The following GRM8 variants were observed in gnomAD, a reference collection of about 807,000 sequenced individuals.
GRM8 encodes glutamate metabotropic receptor 8.
In GRM8, 47 loss-of-function variants were observed where a neutral mutation model predicts 87.2. The observed-to-expected ratio is 0.54, with a 90% CI of 0.43 to 0.69. The LOEUF (loss-of-function observed/expected upper bound fraction) is 0.69, where lower values mean the gene tolerates loss of function less well. GRM8 is among the 30% of genes least tolerant of loss of function. GRM8 has a pLI of 0.00. For missense variants in GRM8, 1,019 were observed against 1,139.2 expected, an observed-to-expected ratio of 0.89 and a Z score of 1.52; for synonymous variants, 396 against 404.5, an observed-to-expected ratio of 0.98 and a Z score of 0.25.
chr7:126,882,950 T>C (rs1800154289), intron 6 of GRM8, among the ~76,000 whole-genome samples: 1 of 152,232 alleles, frequency 6.6e-6, no homozygotes, highest in South Asian at 2.1e-4. Context: ...GAAGGCTGTG[T>C]CTATAAGACA....
chr7:126,514,402 C>G (rs1222807703), intron 9 of GRM8, among the ~76,000 whole-genome samples: 1 of 152,144 alleles, frequency 6.6e-6, no homozygotes, highest in Non-Finnish European at 1.5e-5. Flanking sequence ...CAAAACCAAA[C>G]TTGCATTTAA....
chr7:126,967,714 A>T (rs1448475109), intron 3 of GRM8, among the ~76,000 whole-genome samples: 2 of 152,214 alleles, frequency 1.3e-5, no homozygotes, highest in African/African-American at 4.8e-5. Context: ...AGCCTTCATG[A>T]TTAGAAACTT....
At chr7:127,162,751 G>C (rs551090612) in intron 2 of GRM8, among the ~76,000 whole-genome samples, 1 of 152,234 alleles carries the variant, frequency 6.6e-6, no homozygotes, top group South Asian at 2.1e-4. Flanking sequence ...AACCTAATTG[G>C]AACACAGCAA....
At chr7:126,612,515 C>G (rs955760330) in intron 7 of GRM8, among the ~76,000 whole-genome samples, 1 of 152,148 alleles carries the variant, frequency 6.6e-6, no homozygotes, top group African/African-American at 2.4e-5. Flanking sequence ...GGTGCCCAAC[C>G]ACCTCTTTAT....
chr7:126,570,176 T>C lies in GRM8; in HGVS notation c.1495-36289A>G, dbSNP rs144900209. 5.8e-4 allele frequency among the ~76,000 whole-genome samples: 88 copies of C among 152,322 alleles called. No individual in the cohort carries two copies. In the East Asian group the frequency reaches 0.015, roughly 25 times the overall value. On this transcript the variant is annotated intron_variant, in intron 8 of 10. Transcript: ENST00000339582. ...CCCTAGCTACTTCCTTCTCATCTTG[T>C]TTATTTTCAATCAATACTTTGCCCT...
At chr7:126,971,037 A>C (rs1365263866) in intron 3 of GRM8, among the ~76,000 whole-genome samples, 1 of 152,060 alleles carries the variant, frequency 6.6e-6, no homozygotes, top group Non-Finnish European at 1.5e-5. Context: ...AGTAAAAATA[A>C]TTTGAAATAT....
At chr7:127,101,262 G>A (rs1035741622) in intron 3 of GRM8, among the ~76,000 whole-genome samples, 6 of 152,066 alleles carry the variant, frequency 3.9e-5, no homozygotes, top group African/African-American at 9.7e-5. Flanking sequence ...TGCAATGGAC[G>A]CTGAACTGGT....
chr7:126,647,133 T>C (rs1027974428), intron 7 of GRM8, among the ~76,000 whole-genome samples: 9 of 152,142 alleles, frequency 5.9e-5, no homozygotes, highest in African/African-American at 2.2e-4. Context: ...GGTGCATGCG[T>C]GCAGTCCCAG....
intron 2 of GRM8, among the ~76,000 whole-genome samples, chr7:127,147,216 A>T (rs369459613): frequency 2.8e-4 from 43 of 152,122 alleles, no homozygotes; most frequent in African/African-American, 8.2e-4. Flanking sequence ...AGCCTCAGAG[A>T]GCTAATCAAT....
At chr7:126,687,917 T>C (rs1247698491) in intron 7 of GRM8, among the ~76,000 whole-genome samples, 1 of 152,142 alleles carries the variant, frequency 6.6e-6, no homozygotes, top group East Asian at 1.9e-4. Flanking sequence ...TTTTCTTCTT[T>C]GTATTGGTGA....
At position 126,902,906 on chromosome 7, in the gene GRM8, C is replaced by T. The variant is rs114540605; in HGVS notation, c.1019-227G>A. Among the ~76,000 whole-genome samples, 183 of 152,248 alleles carry T rather than the reference C, an allele frequency of 1.2e-3. 1 individual carries two copies. The highest frequency in any genetic ancestry group is 4.3e-3 in the African/African-American group (180 of 41,552). Reference sequence around the variant, plus strand: ...CCACCACCAGTACCCAAGCACCTGGCTCTATGAATAAGTACAACAGGAAAG... The same window carrying T: ...CCACCACCAGTACCCAAGCACCTGGTTCTATGAATAAGTACAACAGGAAAG... On this transcript the variant is annotated intron_variant, in intron 5 of 10. Coordinates refer to ENST00000339582, the MANE Select transcript of GRM8 (RefSeq NM_000845.3).
chr7:126,774,852 T>C (rs563546800), intron 6 of GRM8, among the ~76,000 whole-genome samples: 1 of 152,266 alleles, frequency 6.6e-6, no homozygotes, highest in East Asian at 1.9e-4. Flanking sequence ...TCTAAGAATT[T>C]CCCATTTCTC....
chr7:126,460,776 C>T (rs772428224), intron 9 of GRM8, among the ~76,000 whole-genome samples: 12 of 151,424 alleles, frequency 7.9e-5, no homozygotes, highest in Non-Finnish European at 1.5e-4. Context: ...GAAACTAGCC[C>T]GAAGTCCCTC....
intron 3 of GRM8, among the ~76,000 whole-genome samples, chr7:127,025,050 C>A (rs1224695782): frequency 1.3e-5 from 2 of 152,082 alleles, no homozygotes; most frequent in Non-Finnish European, 2.9e-5. Context: ...TCAACTCCCC[C>A]TTCCTGAGAG....
chr7:127,157,230 A>T (rs955573682), intron 2 of GRM8, among the ~76,000 whole-genome samples: 2 of 142,002 alleles, frequency 1.4e-5, no homozygotes, highest in African/African-American at 5.8e-5. Flanking sequence ...AGAAAAAGAA[A>T]GAAAAGAGGA....
intron 8 of GRM8, among the ~76,000 whole-genome samples, chr7:126,556,118 G>T (rs1793106116): frequency 6.6e-6 from 1 of 152,146 alleles, no homozygotes; most frequent in South Asian, 2.1e-4. Flanking sequence ...CTTGTTTAAA[G>T]TTACTTGAAT....
rs147492465 is a variant in GRM8 at position 126,499,149 on chromosome 7, T to G, written c.2430+33803A>C. On this transcript the variant is annotated intron_variant, in intron 9 of 10. Coordinates refer to ENST00000339582, the MANE Select transcript of GRM8 (RefSeq NM_000845.3). ...CAAATTTGAATCTCTCCAAATCCAC[T>G]CTTCTATATACTCTGTTTGTGGTGC... Among the ~76,000 whole-genome samples the G allele has an allele frequency of 1.3e-4, 20 of 152,024 alleles. No individual in the cohort carries two copies. The East Asian group carries it at 3.9e-3, about 30-fold the overall frequency.
chr7:127,047,177 T>C (rs1029656228), intron 3 of GRM8, among the ~76,000 whole-genome samples: 1 of 152,230 alleles, frequency 6.6e-6, no homozygotes, highest in Non-Finnish European at 1.5e-5. Flanking sequence ...ACCCATCTGA[T>C]AACATATTAC....
Position 126,853,852 on chromosome 7 carries a change from T to C in GRM8, c.1156+48690A>G, listed in dbSNP as rs1233618662. ...TCCTCTTTCCTCTCTCTCCTTTGCT[T>C]TCTCCCAGTTATAAAATCTGCTTTT... On this transcript the variant is annotated intron_variant, in intron 6 of 10. Transcript: ENST00000339582. Among the ~76,000 whole-genome samples, 4 of 152,182 alleles carry C rather than the reference T, an allele frequency of 2.6e-5. No individual in the cohort carries two copies. In the East Asian group the frequency reaches 7.7e-4, roughly 29 times the overall value.
Sources: gnomAD v4.1 joint callset for allele counts (sites outside exome capture counted in the v4.1 genomes callset) on GRCh38, gnomAD v4.1.1 for gene constraint, MANE v1.5 for transcripts, NCBI Gene and HGNC (gene_info 2026-07-23, HGNC 2026-07-21) for gene names.